The following IQGAP1 variants were observed in gnomAD, a reference collection of about 807,000 sequenced individuals.
IQGAP1 encodes ras GTPase-activating-like protein IQGAP1.
Under a neutral mutation model 215.6 loss-of-function variants are expected in IQGAP1, and 66 were observed. The observed-to-expected ratio is 0.31, with a 90% confidence interval of 0.25 to 0.38. The LOEUF (loss-of-function observed/expected upper bound fraction) is 0.38. IQGAP1 is among the 10% of genes least tolerant of loss of function. The probability of loss-of-function intolerance (pLI) is 1.00; values close to 1 mark genes in which losing one functional copy is unlikely to be tolerated. For synonymous variants in IQGAP1, 772 were observed against 728.7 expected, an observed-to-expected ratio of 1.06 and a Z score of -0.96; for missense variants, 1,712 against 1,997.1, an observed-to-expected ratio of 0.86 and a Z score of 2.72.
intron 24 of IQGAP1, 112 bp downstream of exon 24, chr15:90,476,930 G>T: frequency 1.5e-6 from 2 of 1,329,318 alleles, no homozygotes; most frequent in Non-Finnish European, 2.1e-6. Flanking sequence ...TGAGGGGTGA[G>T]TGAGGGGCAC....
chr15:90,478,612 C>T (rs1163442127), intron 26 of IQGAP1, among the ~76,000 whole-genome samples: 1 of 152,130 alleles, frequency 6.6e-6, no homozygotes, highest in Non-Finnish European at 1.5e-5. Flanking sequence ...GAAAGCCTAT[C>T]CCGGAAGATA....
intron 9 of IQGAP1, among the ~76,000 whole-genome samples, chr15:90,446,953 C>G (rs1408462540): frequency 6.6e-6 from 1 of 151,986 alleles, no homozygotes; most frequent in Non-Finnish European, 1.5e-5. Flanking sequence ...GTGTACACTT[C>G]TAGAAAAAGC....
intron 19 of IQGAP1, 116 bp downstream of exon 19, chr15:90,473,126 T>C: frequency 4.4e-6 from 4 of 909,026 alleles, no homozygotes; most frequent in Middle Eastern, 2.4e-4. Flanking sequence ...ACTCTTAGTC[T>C]TCTCTTTCCT....
chr15:90,392,746 A>ATTTTTTTT (rs1964652639), intron 2 of IQGAP1, among the ~76,000 whole-genome samples: 1 of 91,834 alleles, frequency 1.1e-5, no homozygotes, highest in African/African-American at 5.9e-5. Context: ...GAATGTTTCT[A>ATTTTTTTT]TCTTTTTTTT....
intron 17 of IQGAP1, 126 bp downstream of exon 17, chr15:90,466,562 C>A: frequency 4.7e-6 from 4 of 853,202 alleles, no homozygotes; most frequent in Non-Finnish European, 3.6e-6. Context: ...TACTTAGGCT[C>A]ATTTTAAAGG....
chr15:90,484,198 C>T lies in IQGAP1; in HGVS notation c.3789-22C>T, dbSNP rs201657190. 31 of 1,607,442 alleles carry T rather than the reference C, an allele frequency of 1.9e-5. No individual in the cohort carries two copies. In the African/African-American group the frequency reaches 2.0e-4, roughly 10 times the overall value. On this transcript the variant is annotated intron_variant, in intron 29 of 37. Coordinates refer to ENST00000268182, the MANE Select transcript of IQGAP1 (RefSeq NM_003870.4). ...CATGTGTATGTCCCTTTTTGGGGGG[C>T]TGCCTCCTGTGCTTATTTCAGACGG...
chr15:90,474,333 T>C (rs1210477603), intron 22 of IQGAP1, 152 bp from the exon 23 acceptor site: 2 of 765,336 alleles, frequency 2.6e-6, no homozygotes, highest in Non-Finnish European at 2.2e-6. Flanking sequence ...AACATAGCAA[T>C]AGCCTGACAC....
chr15:90,472,972 T>C lies in IQGAP1; in HGVS notation c.2311T>C (p.Phe771Leu). The part of the protein sequence containing the change: ...VRQEFRSRMN[F>L]LKKQIPAITC... Reference sequence around the variant, plus strand: ...ACAGGAATTCCGATCCAGGATGAATTTCCTGAAGAAACAAATCCCTGCCAT... The same window carrying C: ...ACAGGAATTCCGATCCAGGATGAATCTCCTGAAGAAACAAATCCCTGCCAT... The change falls in exon 19 of 38, where the codon TTC becomes CTC. Residue 771 changes from phenylalanine (F) to leucine (L), a missense_variant. By Grantham distance (22) the Phe-to-Leu change is conservative (BLOSUM62 0). Around this residue, in one of 2 missense-constraint regions of IQGAP1, gnomAD observed 1,021 missense variants for 1,074.2 expected, o/e 0.95. Transcript: ENST00000268182. The C allele has an allele frequency of 6.2e-7, 1 of 1,614,084 alleles. No individual in the cohort carries two copies. Among genetic ancestry groups the C allele is most frequent in the Non-Finnish European group, 8.5e-7 (1 of 1,179,988 alleles).
chr15:90,426,424 A>G (rs1353630232), intron 3 of IQGAP1, among the ~76,000 whole-genome samples, 158 bp downstream of exon 3: 1 of 152,206 alleles, frequency 6.6e-6, no homozygotes, highest in Non-Finnish European at 1.5e-5. Flanking sequence ...AATTTGTGCA[A>G]AGGCAATATG....
Position 90,491,909 on chromosome 15 carries a change from A to T in IQGAP1, c.4461+364A>T, listed in dbSNP as rs77973135. On this transcript the variant is annotated intron_variant, in intron 34 of 37. Coordinates refer to ENST00000268182, the MANE Select transcript of IQGAP1 (RefSeq NM_003870.4). ...TCTCAAGCGAGGGGCTTTGGTGAGG[A>T]CTAAGAGTTTAGGTGTTCTGTGCTG... Among the ~76,000 whole-genome samples, 108 of 152,300 alleles carry T rather than the reference A, an allele frequency of 7.1e-4. 2 individuals carry two copies. The East Asian group carries it at 0.02, about 29-fold the overall frequency.
intron 9 of IQGAP1, among the ~76,000 whole-genome samples, chr15:90,445,542 C>T (rs191348309): frequency 7.9e-5 from 12 of 152,252 alleles, no homozygotes; most frequent in Admixed American, 2.0e-4. Flanking sequence ...TTATTTCTGA[C>T]ATCTTTGTAA....
chr15:90,426,750 C>T (rs1234808233), intron 3 of IQGAP1, among the ~76,000 whole-genome samples: 1 of 151,746 alleles, frequency 6.6e-6, no homozygotes, highest in Admixed American at 6.6e-5. Flanking sequence ...GTCAGGAGTT[C>T]GAGACCAGCC....
chr15:90,494,478 G>C, intron 35 of IQGAP1: 1 of 287,680 alleles, frequency 3.5e-6, no homozygotes, highest in Non-Finnish European at 6.6e-6. Flanking sequence ...AAATTCATGG[G>C]AGTGTTCTCA....
intron 35 of IQGAP1, among the ~76,000 whole-genome samples, 196 bp downstream of exon 35, chr15:90,492,907 G>A (rs1380349135): frequency 6.6e-6 from 1 of 152,122 alleles, no homozygotes; most frequent in Non-Finnish European, 1.5e-5. Flanking sequence ...TAGTGGGTGG[G>A]GGATTTCATG....
chr15:90,443,331 G>A (rs1202029536), intron 8 of IQGAP1, 63 bp from the exon 9 acceptor site: 2 of 967,834 alleles, frequency 2.1e-6, no homozygotes, highest in African/African-American at 1.6e-5. Context: ...GAGCACACGT[G>A]TATTTATGTG....
intron 19 of IQGAP1, 154 bp from the exon 20 acceptor site, chr15:90,473,561 C>T (rs1010606273): frequency 6.2e-5 from 38 of 609,422 alleles, no homozygotes; most frequent in African/African-American, 5.8e-4. Context: ...AGGGATGGCC[C>T]GTGCCCTTGT....
chr15:90,401,109 G>C (rs1964798258), intron 2 of IQGAP1, among the ~76,000 whole-genome samples: 1 of 152,150 alleles, frequency 6.6e-6, no homozygotes, highest in Non-Finnish European at 1.5e-5. Flanking sequence ...TTAGCCGAGT[G>C]AAGTGCCAGT....
intron 22 of IQGAP1, 99 bp from the exon 23 acceptor site, chr15:90,474,386 A>T: frequency 2.0e-6 from 2 of 991,142 alleles, no homozygotes; most frequent in Non-Finnish European, 3.2e-6. Flanking sequence ...TCTCAAAATT[A>T]AATGTTTATG....
At chr15:90,462,608 G>C (rs1965778753) in intron 15 of IQGAP1, among the ~76,000 whole-genome samples, 1 of 152,172 alleles carries the variant, frequency 6.6e-6, no homozygotes, top group Non-Finnish European at 1.5e-5. Context: ...TTTTTAAAAA[G>C]TTTTGAGTGA....
Sources: gnomAD v4.1 joint callset for allele counts (sites outside exome capture counted in the v4.1 genomes callset) on GRCh38, gnomAD v4.1.1 for gene constraint, gnomAD v4.1.1 regional missense constraint, MANE v1.5 for transcripts, NCBI Gene and HGNC (gene_info 2026-07-23, HGNC 2026-07-21) for gene names.